PPHLN1: variants seen among roughly 807,000 people sequenced by gnomAD.
PPHLN1 encodes the protein periphilin-1.
Under a neutral mutation model 51.3 loss-of-function variants are expected in PPHLN1, and 29 were observed. The ratio of observed to expected loss-of-function variants is 0.57; its 90% CI spans 0.42 to 0.77. The LOEUF is 0.77. Among genes scored for constraint, PPHLN1 ranks in the 30% least tolerant of loss-of-function variants. The pLI, the probability that PPHLN1 is intolerant of heterozygous loss-of-function variation, is 0.00. For synonymous variants in PPHLN1, 147 were observed against 147.8 expected, an observed-to-expected ratio of 0.99 and a Z score of 0.04; for missense variants, 436 against 438.4, an observed-to-expected ratio of 0.99 and a Z score of 0.05.
intron 9 of PPHLN1, chr12:42,431,812 C>A (rs765438299): frequency 2.1e-5 from 27 of 1,263,074 alleles, no homozygotes; most frequent in Non-Finnish European, 2.9e-5. Flanking sequence ...TCTGAAGGAC[C>A]ATGCTCTTCA....
chr12:42,384,102 G>A (rs2076996537), intron 5 of PPHLN1, among the ~76,000 whole-genome samples: 1 of 149,946 alleles, frequency 6.7e-6, no homozygotes, highest in Non-Finnish European at 1.5e-5. Context: ...GCCAGAGAAA[G>A]ATAGTGAATA....
chr12:42,377,479 A>G (rs1235293774), intron 5 of PPHLN1, among the ~76,000 whole-genome samples: 1 of 151,520 alleles, frequency 6.6e-6, no homozygotes, highest in Non-Finnish European at 1.5e-5. Context: ...GTAATTTTAT[A>G]TTTTAGTAGA....
chr12:42,390,128 T>C (rs1382019417), intron 7 of PPHLN1, among the ~76,000 whole-genome samples: 1 of 152,192 alleles, frequency 6.6e-6, no homozygotes, highest in Admixed American at 6.5e-5. Flanking sequence ...TTTGGCTTTT[T>C]AGGAAGAGTA....
At chr12:42,400,344 T>A (rs1038573120) in intron 9 of PPHLN1, 1 of 150,478 alleles carries the variant, frequency 6.6e-6, no homozygotes, top group Non-Finnish European at 1.5e-5. Context: ...GGCGGGCACC[T>A]GTAGTCCCAG....
At position 42,363,550 on chromosome 12, in the gene PPHLN1, G is replaced by A. The variant is rs145850893; in HGVS notation, c.299+8328G>A. 2.6e-3 allele frequency among the ~76,000 whole-genome samples: 397 copies of A among 151,380 alleles called. 2 individuals carry two copies. Among genetic ancestry groups the A allele is most frequent in the African/African-American group, 9.2e-3 (379 of 41,194 alleles). ...ATTCAAATGTGTTTTACTAATGGAAGCGTGGAATCATTGGAAGCAACTAGA... is the reference window on the plus strand; with the variant it reads ...ATTCAAATGTGTTTTACTAATGGAAACGTGGAATCATTGGAAGCAACTAGA... On this transcript the variant is annotated intron_variant, in intron 4 of 9. Transcript: ENST00000358314.
At position 42,360,458 on chromosome 12, in the gene PPHLN1, C is replaced by CTTTTTTTTTTTTT. The variant is rs71084642; in HGVS notation, c.299+5253_299+5265dup. On this transcript the variant is annotated intron_variant, in intron 4 of 9. Transcript: ENST00000358314. Reference sequence around the variant, plus strand: ...ACAGTTCCTGAAGTGATGCTGAATTCTTTTTTTTTTTTTTTTTTTTTTTTT... The same window carrying CTTTTTTTTTTTTT: ...ACAGTTCCTGAAGTGATGCTGAATTCTTTTTTTTTTTTTTTTTTTTTTTTTTTTTTTTTTTTTT... 1.2e-3 allele frequency among the ~76,000 whole-genome samples: 68 copies of CTTTTTTTTTTTTT among 56,292 alleles called. 7 individuals carry two copies. Among genetic ancestry groups the CTTTTTTTTTTTTT allele is most frequent in the East Asian group, 3.3e-3 (5 of 1,504 alleles). The allele number at this position is 56,292 out of a possible 152,430, so 36.9% of individuals were successfully genotyped here.
intron 9 of PPHLN1, among the ~76,000 whole-genome samples, chr12:42,415,634 G>A (rs997891345): frequency 6.6e-6 from 1 of 152,194 alleles, no homozygotes; most frequent in African/African-American, 2.4e-5. Context: ...GCTCTTTGGG[G>A]CAGCCATGGC....
chr12:42,355,053 C>T, intron 3 of PPHLN1, 108 bp from the exon 4 acceptor site: 2 of 983,192 alleles, frequency 2.0e-6, no homozygotes, highest in South Asian at 2.7e-5. Flanking sequence ...CTTTTTATGC[C>T]TTTGAAGTTT....
intron 4 of PPHLN1, among the ~76,000 whole-genome samples, chr12:42,367,255 T>C (rs746245336): frequency 4.4e-4 from 67 of 152,348 alleles, no homozygotes; most frequent in Non-Finnish European, 7.9e-4. Flanking sequence ...CATATACAGC[T>C]ACTATGAATA....
chr12:42,358,940 A>G (rs2074332296), intron 4 of PPHLN1, among the ~76,000 whole-genome samples: 1 of 152,158 alleles, frequency 6.6e-6, no homozygotes, highest in Non-Finnish European at 1.5e-5. Flanking sequence ...CCTGCTAAAA[A>G]TGGTTTAACA....
intron 9 of PPHLN1, among the ~76,000 whole-genome samples, chr12:42,413,524 A>ATG (rs1397983458): frequency 0.02 from 2,412 of 118,824 alleles, 23 homozygotes; most frequent in Middle Eastern, 0.029. Flanking sequence ...ATATATATGT[A>ATG]TATGTGTGTG....
chr12:42,398,336 T>C (rs1453218025), intron 8 of PPHLN1, among the ~76,000 whole-genome samples: 1 of 152,240 alleles, frequency 6.6e-6, no homozygotes, highest in Non-Finnish European at 1.5e-5. Context: ...CCTTTTCTCA[T>C]ATTCCCTTTA....
At chr12:42,415,799 G>A (rs73272072) in intron 9 of PPHLN1, among the ~76,000 whole-genome samples, 5,036 of 152,314 alleles carry the variant, frequency 0.033, 277 homozygotes, top group African/African-American at 0.11. Flanking sequence ...GAAATGTAGT[G>A]TGTTGTTTGG....
At chr12:42,367,278 CTG>C (rs1324581211) in intron 4 of PPHLN1, among the ~76,000 whole-genome samples, 3 of 152,170 alleles carry the variant, frequency 2.0e-5, no homozygotes, top group African/African-American at 7.2e-5. Context: ...GGTGAGTACT[CTG>C]TGAATACTCT....
intron 1 of PPHLN1, among the ~76,000 whole-genome samples, chr12:42,327,069 C>T (rs2068900506): frequency 6.6e-6 from 1 of 152,188 alleles, no homozygotes; most frequent in African/African-American, 2.4e-5. Flanking sequence ...ATACTTGTGG[C>T]CAGCCAAACT....
At chr12:42,409,796 G>C (rs191872149) in intron 9 of PPHLN1, among the ~76,000 whole-genome samples, 12 of 152,016 alleles carry the variant, frequency 7.9e-5, no homozygotes, top group Admixed American at 2.0e-4. Flanking sequence ...TAAGATAATT[G>C]ACGATTATTT....
intron 9 of PPHLN1, among the ~76,000 whole-genome samples, chr12:42,404,528 T>TCAACAACAACAACAACAA (rs143140913): frequency 0.12 from 18,106 of 150,870 alleles, 1,176 homozygotes; most frequent in South Asian, 0.18. Flanking sequence ...AAACTCCGTC[T>TCAACAACAACAACAACAA]CAACAACAAC....
intron 2 of PPHLN1, among the ~76,000 whole-genome samples, chr12:42,337,848 A>G (rs11181432): frequency 0.065 from 9,842 of 151,230 alleles, 440 homozygotes; most frequent in East Asian, 0.2. Context: ...CAGCGGTACA[A>G]TCTTGGCTCA....
chr12:42,362,494 G>A (rs1055258866), intron 4 of PPHLN1, among the ~76,000 whole-genome samples: 1 of 152,062 alleles, frequency 6.6e-6, no homozygotes, highest in Non-Finnish European at 1.5e-5. Context: ...TCATTCTTTG[G>A]TCACCTCTTT....
Sources: gnomAD v4.1 joint callset for allele counts (sites outside exome capture counted in the v4.1 genomes callset) on GRCh38, gnomAD v4.1.1 for gene constraint, MANE v1.5 for transcripts, NCBI Gene and HGNC (gene_info 2026-07-23, HGNC 2026-07-21) for gene names.